Variants in AGAP6 observed in about 807,000 individuals in gnomAD.
AGAP6 encodes the protein ArfGAP with GTPase domain, ankyrin repeat and PH domain 6.
A neutral mutation model predicts 63.9 loss-of-function variants in AGAP6; 29 were observed. That is an observed-to-expected ratio of 0.45 (90% CI 0.34 to 0.62). The LOEUF is 0.62. Ranked by LOEUF, AGAP6 falls within the 20% of genes least tolerant of loss-of-function variation. The probability of loss-of-function intolerance (pLI) is 0.01; values close to 1 mark genes in which losing one functional copy is unlikely to be tolerated. For missense variants in AGAP6, 493 were observed against 884.9 expected (o/e 0.56, Z 5.62); for synonymous variants, 199 against 332.9 (o/e 0.60, Z 4.38).
At chr10:50,008,197 T>G in intron 7 of AGAP6, 121 bp downstream of exon 7, 1 of 1,572,242 alleles carries the variant, frequency 6.4e-7, no homozygotes, top group Non-Finnish European at 8.7e-7. Context: ...TCATCTTAAG[T>G]GTTGTAAAAA....
At chr10:49,994,278 T>G in intron 3 of AGAP6, 117 bp from the exon 4 acceptor site, 1 of 1,149,408 alleles carries the variant, frequency 8.7e-7, no homozygotes, top group Non-Finnish European at 1.2e-6. Flanking sequence ...TTGAAAATTA[T>G]TTTTTAAATG....
At chr10:50,005,007 C>A (rs1554863611) in intron 6 of AGAP6, among the ~76,000 whole-genome samples, 1 of 152,126 alleles carries the variant, frequency 6.6e-6, no homozygotes, top group Admixed American at 6.5e-5. Context: ...CACAGCCTTA[C>A]CACTGTTGAT....
chr10:49,989,468 C>T (rs1554860400), intron 2 of AGAP6, 92 bp downstream of exon 2: 1 of 1,571,352 alleles, frequency 6.4e-7, no homozygotes, highest in African/African-American at 1.4e-5. Context: ...TCAGTAAAAA[C>T]TCAAATATCC....
At chr10:49,997,884 T>C (rs1220776060) in intron 4 of AGAP6, among the ~76,000 whole-genome samples, 1 of 143,500 alleles carries the variant, frequency 7.0e-6, no homozygotes, top group Non-Finnish European at 1.5e-5. Context: ...ACATGATATT[T>C]GGTTTTCCAT....
Position 50,002,107 on chromosome 10 carries a change from C to G in AGAP6, c.497+11C>G. On this transcript the variant is annotated intron_variant, in intron 5 of 7. Coordinates refer to ENST00000412531, the MANE Select transcript of AGAP6 (RefSeq NM_001077665.3). ...AATGACAATAATATCGTGAGTACAA[C>G]TATGCTGCCGAGGGACAGATTCCTT... 5.6e-6 allele frequency: 9 copies of G among 1,602,100 alleles called. No individual in the cohort carries two copies. The highest frequency in any genetic ancestry group is 7.6e-6 in the Non-Finnish European group (9 of 1,177,128).
At chr10:50,007,769 T>C (rs1181557379) in intron 6 of AGAP6, among the ~76,000 whole-genome samples, 5 of 152,028 alleles carry the variant, frequency 3.3e-5, no homozygotes, top group Non-Finnish European at 7.4e-5. Context: ...TTTATTGCCA[T>C]GGCCTGTTAG....
In AGAP6 at chr10:50,009,665, T is replaced by G; in HGVS notation, c.1540T>G (p.Ser514Ala). Residue 514 changes from serine (S) to alanine (A), a missense_variant, in exon 8 of 8, where the codon TCC becomes GCC. Around this residue, in one of 7 missense-constraint regions of AGAP6, gnomAD observed 87 missense variants for 92.9 expected, o/e 0.94. Transcript: ENST00000412531. ...CCACCGCAGTCTTGGCCCCCACCTT[T>G]CCCGTGTGCGATCTCTGGAGCTGGA... ...GIHRSLGPHL[S>A]RVRSLELDDW... The G allele has an allele frequency of 6.2e-7, 1 of 1,614,150 alleles. No homozygotes were observed. The highest frequency in any genetic ancestry group is 2.2e-5 in the East Asian group (1 of 44,880).
In AGAP6 at chr10:49,988,906, T is replaced by A; in HGVS notation, c.191T>A (p.Met64Lys). 6.3e-7 allele frequency: 1 copy of A among 1,599,504 alleles called. No homozygotes were observed. ...GTTGAAGTTGGTGAGGACCTCCACATGCACCACGTTCGTGACCGGGAGATG... is the reference window on the plus strand; with the variant it reads ...GTTGAAGTTGGTGAGGACCTCCACAAGCACCACGTTCGTGACCGGGAGATG... Reference protein sequence around the residue: ...VTVEVGEDLHMHHVRDREMPE... With the variant: ...VTVEVGEDLHKHHVRDREMPE... The change falls in exon 1 of 8, where the codon ATG becomes AAG. Residue 64 changes from methionine (M) to lysine (K), a missense_variant. Coordinates refer to ENST00000412531, the MANE Select transcript of AGAP6 (RefSeq NM_001077665.3).
chr10:50,003,387 T>A (rs1263200036), intron 5 of AGAP6, among the ~76,000 whole-genome samples: 38 of 152,064 alleles, frequency 2.5e-4, no homozygotes, highest in Non-Finnish European at 4.3e-4. Flanking sequence ...GCAAGGTTTT[T>A]TTCAAAATAC....
In AGAP6 at chr10:49,988,489, C is replaced by G; in HGVS notation, c.-227C>G. 1 of 1,434,144 alleles carries G rather than the reference C, an allele frequency of 7.0e-7. No homozygotes were observed. The highest frequency in any genetic ancestry group is 9.1e-7 in the Non-Finnish European group (1 of 1,099,362). 88.8% of individuals were successfully genotyped at this position (1,434,144 alleles called of 1,614,324 possible). A position where few individuals can be genotyped will look rare whatever the true frequency, so the allele number is the denominator to read the frequency against. On this transcript the variant is annotated 5_prime_UTR_variant, in exon 1 of 8. Transcript: ENST00000412531. ...AAATAAGCCGGCTGGTCTTCACCCT[C>G]CCAGACAAGTCAACTCAGGGGAGGC...
At chr10:49,995,843 C>T (rs1441258527) in intron 4 of AGAP6, among the ~76,000 whole-genome samples, 2 of 152,194 alleles carry the variant, frequency 1.3e-5, no homozygotes, top group African/African-American at 4.8e-5. Context: ...CATTTTGCAG[C>T]TGTGCTCTTA....
intron 6 of AGAP6, among the ~76,000 whole-genome samples, chr10:50,006,773 A>AG (rs1841926489): frequency 6.6e-6 from 1 of 152,032 alleles, no homozygotes; most frequent in East Asian, 1.9e-4. Flanking sequence ...ACAAAAAAAA[A>AG]AGCGCTTCTG....
In AGAP6 at chr10:50,010,039, C is replaced by A. The variant is rs61848275; in HGVS notation, c.1914C>A (p.Val638=). 0.052 allele frequency: 84,205 copies of A among 1,609,996 alleles called. 2,789 individuals are homozygous for A. Among genetic ancestry groups the A allele is most frequent in the African/African-American group, 0.14 (10,060 of 74,518 alleles). Residue 638 remains valine (V), a synonymous_variant, in exon 8 of 8, where the codon GTC becomes GTA. Coordinates refer to ENST00000412531, the MANE Select transcript of AGAP6 (RefSeq NM_001077665.3). ...TGGCCTGCCGCAAGGGGAATGTGGT[C>A]CTGGCGCAGCTCCTGATCTGGTACG... is the stretch of plus-strand genomic sequence containing the variant. The part of the protein sequence containing the change: ...LHLACRKGNV[V]LAQLLIWYGV...
At chr10:50,004,322 G>A (rs373987214) in intron 5 of AGAP6, among the ~76,000 whole-genome samples, 2 of 150,954 alleles carry the variant, frequency 1.3e-5, no homozygotes, top group Admixed American at 6.6e-5. Context: ...CACCACTGCA[G>A]TCCAGTCTGA....
chr10:50,010,159 G>T lies in AGAP6; in HGVS notation c.2034G>T (p.Gln678His), dbSNP rs1191116621. 1 of 1,607,138 alleles carries T rather than the reference G, an allele frequency of 6.2e-7. No homozygotes were observed. Among genetic ancestry groups the T allele is most frequent in the Non-Finnish European group, 8.5e-7 (1 of 1,175,974 alleles). The change falls in exon 8 of 8, where the codon CAG (glutamine) becomes CAT (histidine). Residue 678 changes from glutamine to histidine, a missense_variant. By Grantham distance (24) the Gln-to-His change is conservative. Transcript: ENST00000412531. ...AGGAGTGCATCAACGTGCTTCTGCAGTACGGCTGCCCCGACGAGTGTGTGT... is the reference window on the plus strand; with the variant it reads ...AGGAGTGCATCAACGTGCTTCTGCATTACGGCTGCCCCGACGAGTGTGTGT... The part of the protein sequence containing the change: ...SSQECINVLL[Q>H]YGCPDECV
At chr10:49,997,229 G>C (rs1357228423) in intron 4 of AGAP6, among the ~76,000 whole-genome samples, 183 of 150,980 alleles carry the variant, frequency 1.2e-3, no homozygotes, top group African/African-American at 4.4e-3. Context: ...TCACAACATA[G>C]ATGGAGCTGT....
In AGAP6 at chr10:50,008,851, C is replaced by T. The variant is rs781910828; in HGVS notation, c.726C>T (p.Pro242=). The T allele has an allele frequency of 6.8e-6, 11 of 1,613,916 alleles. No individual in the cohort carries two copies. The highest frequency in any genetic ancestry group is 6.7e-5 in the Admixed American group (4 of 59,962). Residue 242 remains proline (P), a synonymous_variant, in exon 8 of 8, where the codon CCC becomes CCT. Coordinates refer to ENST00000412531, the MANE Select transcript of AGAP6 (RefSeq NM_001077665.3). ...SVPPTANTPT[P]VCKRSMRWSN... Reference sequence around the variant, plus strand: ...CTCCCACTGCCAACACACCCACGCCCGTTTGCAAGCGGTCCATGCGCTGGT... The same window carrying T: ...CTCCCACTGCCAACACACCCACGCCTGTTTGCAAGCGGTCCATGCGCTGGT...
chr10:50,002,008 C>G lies in AGAP6; in HGVS notation c.409C>G (p.Arg137Gly). 2 of 1,612,774 alleles carry G rather than the reference C, an allele frequency of 1.2e-6. No individual in the cohort carries two copies. Among genetic ancestry groups the G allele is most frequent in the Non-Finnish European group, 1.7e-6 (2 of 1,179,986 alleles). Reference sequence around the variant, plus strand: ...CCTTCCCCTTCAGGTATCTGCTGTGCGTTTCAGTCAACAATACAGCTTGTG... The same window carrying G: ...CCTTCCCCTTCAGGTATCTGCTGTGGGTTTCAGTCAACAATACAGCTTGTG... ...SNCTNHVSAVRFSQQYSLCST... is the reference protein window; with the variant it reads ...SNCTNHVSAVGFSQQYSLCST... The change falls in exon 5 of 8, where the codon CGT (arginine) becomes GGT (glycine). Residue 137 changes from arginine to glycine, a missense_variant. Physicochemically the swap from Arg to Gly is moderately radical, Grantham distance 125 (BLOSUM62 -2). Coordinates refer to ENST00000412531, the MANE Select transcript of AGAP6 (RefSeq NM_001077665.3).
chr10:49,990,884 GAATT>G (rs1199665436), intron 2 of AGAP6, among the ~76,000 whole-genome samples: 1 of 152,004 alleles, frequency 6.6e-6, no homozygotes, highest in East Asian at 1.9e-4. Flanking sequence ...TGCATTATGT[GAATT>G]AATTGATTGT....
Sources: allele counts gnomAD v4.1 joint callset (sites outside exome capture counted in the v4.1 genomes callset), GRCh38; gene constraint gnomAD v4.1.1; regional missense constraint gnomAD v4.1.1; transcripts MANE v1.5; gene names NCBI Gene and HGNC (gene_info 2026-07-23, HGNC 2026-07-21).